GRIK1: variants seen among roughly 807,000 people sequenced by gnomAD.
The protein encoded by GRIK1 is glutamate receptor ionotropic, kainate 1.
A neutral mutation model predicts 105.7 loss-of-function variants in GRIK1; 69 were observed. The ratio of observed to expected loss-of-function variants is 0.65; its 90% CI spans 0.54 to 0.80. GRIK1 has a LOEUF of 0.80. GRIK1 is among the 30% of genes least tolerant of loss of function. The probability of loss-of-function intolerance (pLI) is 0.00; values close to 1 mark genes in which losing one functional copy is unlikely to be tolerated. For missense variants in GRIK1, 1,109 were observed against 1,167.3 expected (o/e 0.95, Z 0.73); for synonymous variants, 438 against 431.3 (o/e 1.02, Z -0.19).
At chr21:29,560,351 C>CTTTT (rs1568813254) in intron 15 of GRIK1, among the ~76,000 whole-genome samples, 5 of 88,494 alleles carry the variant, frequency 5.7e-5, no homozygotes, top group Admixed American at 1.2e-4. Flanking sequence ...TTCTTTCTTT[C>CTTTT]TTTCTTTTTC....
At chr21:29,662,947 G>A (rs1458814659) in intron 4 of GRIK1, among the ~76,000 whole-genome samples, 3 of 152,134 alleles carry the variant, frequency 2.0e-5, no homozygotes, top group African/African-American at 7.2e-5. Flanking sequence ...TACAGCCAGT[G>A]CTGAGAACCA....
chr21:29,609,742 C>T (rs558942356), intron 7 of GRIK1, among the ~76,000 whole-genome samples: 10 of 152,256 alleles, frequency 6.6e-5, no homozygotes, highest in African/African-American at 2.2e-4. Context: ...CTTAGATCTT[C>T]GGACTCAGAC....
chr21:29,886,951 A>G (rs1281071720), intron 1 of GRIK1, among the ~76,000 whole-genome samples: 1 of 152,200 alleles, frequency 6.6e-6, no homozygotes, highest in Non-Finnish European at 1.5e-5. Context: ...AGTTAAAGAG[A>G]GACACCTTAT....
At chr21:29,560,370 TTCC>T (rs2090398430) in intron 15 of GRIK1, among the ~76,000 whole-genome samples, 1 of 37,060 alleles carries the variant, frequency 2.7e-5, no homozygotes, top group Non-Finnish European at 5.1e-5. Flanking sequence ...TCTTTCTTCC[TTCC>T]TTCCTTCCTT....
At chr21:29,666,179 G>T (rs765615544) in intron 4 of GRIK1, among the ~76,000 whole-genome samples, 1 of 152,122 alleles carries the variant, frequency 6.6e-6, no homozygotes. Context: ...CAAGGCAGGC[G>T]GATCACCTGA....
chr21:29,560,501 TTCCTTCCTTCCTTCCTTCC>T (rs2090428058), intron 15 of GRIK1, among the ~76,000 whole-genome samples: 1 of 12,736 alleles, frequency 7.9e-5, no homozygotes, highest in South Asian at 3.3e-3. Context: ...CTTTCTTTCC[TTCCTTCCTTCCTTCCTTCC>T]TTTCTTTCTT....
At chr21:29,699,418 A>G (rs935875426) in intron 1 of GRIK1, among the ~76,000 whole-genome samples, 2 of 152,150 alleles carry the variant, frequency 1.3e-5, no homozygotes, top group African/African-American at 4.8e-5. Context: ...GTGCACACAG[A>G]GGAAAGGCCA....
chr21:29,710,488 G>A (rs1039899531), intron 1 of GRIK1, among the ~76,000 whole-genome samples: 2 of 152,000 alleles, frequency 1.3e-5, no homozygotes, highest in Non-Finnish European at 2.9e-5. Flanking sequence ...GAATGCTTCT[G>A]TCAAGAGTTC....
chr21:29,540,219 C>T (rs1482863190), intron 16 of GRIK1, among the ~76,000 whole-genome samples: 1 of 152,162 alleles, frequency 6.6e-6, no homozygotes, highest in African/African-American at 2.4e-5. Flanking sequence ...GGAACTCCTC[C>T]CCCAGATTTT....
chr21:29,630,362 T>C (rs746990882), intron 7 of GRIK1, among the ~76,000 whole-genome samples: 4 of 152,196 alleles, frequency 2.6e-5, no homozygotes, highest in Admixed American at 1.3e-4. Flanking sequence ...GGTGTCATTC[T>C]ATTGATTATG....
At chr21:29,805,036 T>G (rs1291889843) in intron 1 of GRIK1, among the ~76,000 whole-genome samples, 2 of 152,124 alleles carry the variant, frequency 1.3e-5, no homozygotes, top group African/African-American at 4.8e-5. Flanking sequence ...TCTATTTGTT[T>G]TTCCTTTTCC....
chr21:29,917,767 A>G (rs2071047538), intron 1 of GRIK1, among the ~76,000 whole-genome samples: 1 of 152,044 alleles, frequency 6.6e-6, no homozygotes, highest in Admixed American at 6.6e-5. Context: ...TGTTCTCAAA[A>G]TACATAGTTT....
At chr21:29,696,576 A>G (rs142772466) in intron 1 of GRIK1, among the ~76,000 whole-genome samples, 10 of 152,356 alleles carry the variant, frequency 6.6e-5, no homozygotes, top group South Asian at 4.1e-4. Context: ...TACTGCCACC[A>G]TCTAGGTGAC....
At chr21:29,791,985 T>C (rs1359852184) in intron 1 of GRIK1, among the ~76,000 whole-genome samples, 1 of 152,176 alleles carries the variant, frequency 6.6e-6, no homozygotes, top group African/African-American at 2.4e-5. Flanking sequence ...TTTAACAACA[T>C]AATTTTTGTA....
intron 1 of GRIK1, among the ~76,000 whole-genome samples, chr21:29,892,958 G>A (rs112483217): frequency 0.01 from 1,543 of 152,288 alleles, 31 homozygotes; most frequent in African/African-American, 0.036. Flanking sequence ...TGGATCACCC[G>A]AGGTCAGGAG....
chr21:29,683,761 C>A (rs1371658409), intron 3 of GRIK1, among the ~76,000 whole-genome samples: 1 of 152,180 alleles, frequency 6.6e-6, no homozygotes, highest in Non-Finnish European at 1.5e-5. Context: ...ACCCTTTAAT[C>A]TAAACCAAAA....
intron 1 of GRIK1, among the ~76,000 whole-genome samples, chr21:29,881,439 T>A (rs1044281425): frequency 6.6e-6 from 1 of 152,116 alleles, no homozygotes; most frequent in East Asian, 1.9e-4. Flanking sequence ...GAATTAAGAA[T>A]CAGAGAGGCT....
At chr21:29,757,902 G>A (rs2145678650) in intron 1 of GRIK1, among the ~76,000 whole-genome samples, 1 of 152,354 alleles carries the variant, frequency 6.6e-6, no homozygotes, top group East Asian at 1.9e-4. Context: ...TCCCAGTTGA[G>A]GGATGCTGCT....
chr21:29,864,971 C>T (rs962297048), intron 1 of GRIK1, among the ~76,000 whole-genome samples: 2 of 152,146 alleles, frequency 1.3e-5, no homozygotes, highest in Non-Finnish European at 2.9e-5. Context: ...AAGCATCCTA[C>T]AACATTCAGA....
Sources: gnomAD v4.1 joint callset for allele counts (sites outside exome capture counted in the v4.1 genomes callset) on GRCh38, gnomAD v4.1.1 for gene constraint, MANE v1.5 for transcripts, NCBI Gene and HGNC (gene_info 2026-07-23, HGNC 2026-07-21) for gene names.